HS6ST3: variants seen among roughly 807,000 people sequenced by gnomAD.
HS6ST3 encodes the protein heparan sulfate 6-O-sulfotransferase 3.
Under a neutral mutation model 36.7 loss-of-function variants are expected in HS6ST3, and 12 were observed. That is an observed-to-expected ratio of 0.33 (90% CI 0.21 to 0.53). HS6ST3 has a LOEUF of 0.53. Ranked by LOEUF, HS6ST3 falls within the 20% of genes least tolerant of loss-of-function variation. The probability of loss-of-function intolerance (pLI) is 0.95; values close to 1 mark genes in which losing one functional copy is unlikely to be tolerated. For synonymous variants in HS6ST3, 240 were observed against 257.5 expected, an observed-to-expected ratio of 0.93 and a Z score of 0.65; for missense variants, 584 against 640.9, an observed-to-expected ratio of 0.91 and a Z score of 0.96.
intron 1 of HS6ST3, among the ~76,000 whole-genome samples, chr13:96,329,331 T>G (rs2055051795): frequency 7.3e-6 from 1 of 137,856 alleles, no homozygotes; most frequent in South Asian, 2.5e-4. Flanking sequence ...TGCTATAAAT[T>G]TCCCTCTACA....
chr13:96,140,926 A>G (rs1039745075), intron 1 of HS6ST3, among the ~76,000 whole-genome samples: 47 of 152,328 alleles, frequency 3.1e-4, no homozygotes, highest in African/African-American at 1.1e-3. Context: ...TTTTAGAAAG[A>G]GGTTTGGCTT....
rs940779468 is a variant in HS6ST3 at position 96,632,412 on chromosome 13, A to G, written c.708-200078A>G. 5.3e-5 allele frequency among the ~76,000 whole-genome samples: 8 copies of G among 151,988 alleles called. No individual in the cohort carries two copies. In the East Asian group the frequency reaches 1.2e-3, roughly 22 times the overall value. On this transcript the variant is annotated intron_variant, in intron 1 of 1. Transcript: ENST00000376705. ...AACTGACTAACACAGGACCTAATGG[A>G]GACTTCTTTTAATTCAAGAATATCA... is the stretch of plus-strand genomic sequence containing the variant.
intron 1 of HS6ST3, among the ~76,000 whole-genome samples, chr13:96,654,099 TG>T (rs1294292619): frequency 2.0e-5 from 3 of 152,228 alleles, no homozygotes; most frequent in African/African-American, 7.2e-5. Context: ...TTGTAGATTC[TG>T]GCTATTAGCC....
chr13:96,150,749 C>T (rs1159546768), intron 1 of HS6ST3, among the ~76,000 whole-genome samples: 1 of 152,052 alleles, frequency 6.6e-6, no homozygotes, highest in East Asian at 1.9e-4. Flanking sequence ...TCTTGTGTTA[C>T]CCTAGACTAG....
chr13:96,145,560 G>T (rs1172766300), intron 1 of HS6ST3, among the ~76,000 whole-genome samples: 1 of 151,966 alleles, frequency 6.6e-6, no homozygotes, highest in Non-Finnish European at 1.5e-5. Context: ...TTAGCCCTTT[G>T]TCAGATGAGT....
chr13:96,109,117 A>G (rs928940530), intron 1 of HS6ST3, among the ~76,000 whole-genome samples: 5 of 152,234 alleles, frequency 3.3e-5, no homozygotes, highest in Admixed American at 6.5e-5. Flanking sequence ...AAGCAGAAGC[A>G]TGAACAGTAT....
chr13:96,199,991 T>C (rs1206330776), intron 1 of HS6ST3, among the ~76,000 whole-genome samples: 1 of 152,140 alleles, frequency 6.6e-6, no homozygotes, highest in Non-Finnish European at 1.5e-5. Context: ...ACACTGAAAA[T>C]GAATTACATC....
chr13:96,197,714 C>T (rs2054321263), intron 1 of HS6ST3, among the ~76,000 whole-genome samples: 1 of 152,138 alleles, frequency 6.6e-6, no homozygotes, highest in Non-Finnish European at 1.5e-5. Flanking sequence ...TTGGCCAAAA[C>T]AAAGGGGTTA....
At chr13:96,157,487 A>G (rs1027547945) in intron 1 of HS6ST3, among the ~76,000 whole-genome samples, 2 of 152,228 alleles carry the variant, frequency 1.3e-5, no homozygotes, top group Non-Finnish European at 2.9e-5. Flanking sequence ...CTGACATTTC[A>G]GAAAGCAATG....
chr13:96,762,953 C>T (rs1434064198), intron 1 of HS6ST3, among the ~76,000 whole-genome samples: 1 of 152,050 alleles, frequency 6.6e-6, no homozygotes, highest in Non-Finnish European at 1.5e-5. Flanking sequence ...ATTTCAGGAG[C>T]AATACAATAA....
chr13:96,511,685 T>C (rs537698999), intron 1 of HS6ST3, among the ~76,000 whole-genome samples: 2 of 152,120 alleles, frequency 1.3e-5, no homozygotes, highest in Non-Finnish European at 1.5e-5. Flanking sequence ...TGTTTGTCTA[T>C]TAACTTTGCA....
At chr13:96,491,198 T>G (rs1440902370) in intron 1 of HS6ST3, among the ~76,000 whole-genome samples, 1 of 152,060 alleles carries the variant, frequency 6.6e-6, no homozygotes, top group African/African-American at 2.4e-5. Context: ...TCTCATTATT[T>G]TTTGCTAACC....
intron 1 of HS6ST3, among the ~76,000 whole-genome samples, chr13:96,701,093 G>GA (rs574383806): frequency 6.2e-4 from 95 of 152,120 alleles, no homozygotes; most frequent in African/African-American, 2.2e-3. Context: ...GATTTTGGGA[G>GA]AAAAAAACAC....
chr13:96,358,276 G>T (rs925330790), intron 1 of HS6ST3, among the ~76,000 whole-genome samples: 1 of 142,588 alleles, frequency 7.0e-6, no homozygotes, highest in Admixed American at 6.7e-5. Context: ...GGAGAAAGGT[G>T]GTGGGGCATA....
chr13:96,207,441 G>A (rs1192895856), intron 1 of HS6ST3, among the ~76,000 whole-genome samples: 2 of 151,850 alleles, frequency 1.3e-5, no homozygotes, highest in Non-Finnish European at 2.9e-5. Context: ...AGATGCAGAG[G>A]CAGAAATACC....
chr13:96,791,173 G>A (rs1165341580), intron 1 of HS6ST3, among the ~76,000 whole-genome samples: 2 of 151,916 alleles, frequency 1.3e-5, no homozygotes, highest in South Asian at 2.1e-4. Flanking sequence ...ATACAGCAGC[G>A]AATAATTTTT....
chr13:96,128,675 CT>C (rs899521175), intron 1 of HS6ST3, among the ~76,000 whole-genome samples: 1 of 152,254 alleles, frequency 6.6e-6, no homozygotes. Flanking sequence ...CCTTTCCTGG[CT>C]TTTCTGTCTT....
chr13:96,268,252 T>G (rs1210101116), intron 1 of HS6ST3, among the ~76,000 whole-genome samples: 2 of 151,950 alleles, frequency 1.3e-5, no homozygotes, highest in African/African-American at 4.8e-5. Context: ...CTGGGTAATT[T>G]ATAAAGGAAA....
At chr13:96,255,404 A>G (rs1372486735) in intron 1 of HS6ST3, among the ~76,000 whole-genome samples, 1 of 152,328 alleles carries the variant, frequency 6.6e-6, no homozygotes, top group Non-Finnish European at 1.5e-5. Flanking sequence ...TATAGTATCA[A>G]GTATATTATA....
Sources: allele counts gnomAD v4.1 joint callset (sites outside exome capture counted in the v4.1 genomes callset), GRCh38; gene constraint gnomAD v4.1.1; transcripts MANE v1.5; gene names NCBI Gene and HGNC (gene_info 2026-07-23, HGNC 2026-07-21).